STIMATE: variants seen among roughly 807,000 people sequenced by gnomAD.
STIMATE encodes the protein STIM activating enhancer.
A neutral mutation model predicts 36.7 loss-of-function variants in STIMATE; 15 were observed. The ratio of observed to expected loss-of-function variants is 0.41; its 90% confidence interval spans 0.27 to 0.63. The LOEUF (loss-of-function observed/expected upper bound fraction) is 0.63, where lower values mean the gene tolerates loss of function less well. Ranked by LOEUF, STIMATE falls within the 20% of genes least tolerant of loss-of-function variation. The probability of loss-of-function intolerance (pLI) is 0.32; values close to 1 mark genes in which losing one functional copy is unlikely to be tolerated. For missense variants in STIMATE, 305 were observed against 397.3 expected (o/e 0.77, Z 1.98); for synonymous variants, 163 against 162.3 (o/e 1.00, Z -0.03).
rs1302643123 is a variant in STIMATE, at chr3:52,842,835, T to C, written c.744A>G (p.Ala248=). The C allele has an allele frequency of 3.1e-6, 5 of 1,614,234 alleles. No homozygotes were observed. Among genetic ancestry groups the C allele is most frequent in the Non-Finnish European group, 2.5e-6 (3 of 1,180,040 alleles). The change falls in exon 7 of 8, where the codon GCA becomes GCG. Residue 248 remains alanine, a synonymous_variant. Coordinates refer to ENST00000355083, the MANE Select transcript of STIMATE (RefSeq NM_198563.5). The part of the protein sequence containing the change: ...NGSKVRYRRA[A]SHEESESEIL... ...CCTCAGACTCAGACTCCTCGTGGGA[T>C]GCGGCCCTCCGGTAGCGGACCTTGC...
chr3:52,878,354 G>A (rs1396981322), intron 1 of STIMATE, among the ~76,000 whole-genome samples: 2 of 151,898 alleles, frequency 1.3e-5, no homozygotes, highest in African/African-American at 4.8e-5. Context: ...GAAGTCTGAT[G>A]GTCCTGGCTG....
intron 4 of STIMATE, chr3:52,846,359 A>G (rs1459427354): frequency 6.6e-6 from 1 of 152,274 alleles, no homozygotes; most frequent in Non-Finnish European, 1.5e-5. Context: ...TATCGAGAAC[A>G]GTTCTCAAAA....
At position 52,897,540 on chromosome 3, in the gene STIMATE, C is replaced by T; in HGVS notation, c.-90G>A. ...GCGCCGCCAAACCCGCAGCCGGGATCCCAAGCCTGAGCCGGTACCTCCGCC... is the reference window on the plus strand; with the variant it reads ...GCGCCGCCAAACCCGCAGCCGGGATTCCAAGCCTGAGCCGGTACCTCCGCC... On this transcript the variant is annotated 5_prime_UTR_variant, in exon 1 of 8. Coordinates refer to ENST00000355083, the MANE Select transcript of STIMATE (RefSeq NM_198563.5). 3.4e-6 allele frequency: 4 copies of T among 1,176,798 alleles called. No homozygotes were observed. The highest frequency in any genetic ancestry group is 4.2e-6 in the Non-Finnish European group (4 of 953,184). 72.9% of individuals were successfully genotyped at this position (1,176,798 alleles called of 1,614,324 possible).
chr3:52,862,813 G>A (rs1701239558), intron 1 of STIMATE, among the ~76,000 whole-genome samples: 1 of 152,164 alleles, frequency 6.6e-6, no homozygotes, highest in African/African-American at 2.4e-5. Flanking sequence ...AGATCATTCT[G>A]GACTAATCTG....
Position 52,859,502 on chromosome 3 carries a change from CAAAAAAAA to C in STIMATE, c.161-4066_161-4059del, listed in dbSNP as rs34298807. 5.1e-4 allele frequency among the ~76,000 whole-genome samples: 8 copies of C among 15,644 alleles called. No homozygotes were observed. In the East Asian group the frequency reaches 0.014, roughly 27 times the overall value. The allele number at this position is 15,644 out of a possible 152,430, so 10.3% of individuals were successfully genotyped here. A position where few individuals can be genotyped will look rare whatever the true frequency, so the allele number is the denominator to read the frequency against. On this transcript the variant is annotated intron_variant, in intron 1 of 7. Coordinates refer to ENST00000355083, the MANE Select transcript of STIMATE (RefSeq NM_198563.5). ...AGCAACAAAGCAAGACCCATTTCTCCAAAAAAAAAAAAAAAAAAAAAAAAAAAAATTTT... is the reference window on the plus strand; with the variant it reads ...AGCAACAAAGCAAGACCCATTTCTCCAAAAAAAAAAAAAAAAAAAAATTTT...
intron 4 of STIMATE, 65 bp from the exon 5 acceptor site, chr3:52,845,006 C>T (rs903579950): frequency 2.6e-6 from 4 of 1,523,976 alleles, no homozygotes; most frequent in Middle Eastern, 2.0e-4. Context: ...GATGTCCCCA[C>T]CCCACTCCCC....
At chr3:52,860,448 G>A (rs1553629053) in intron 1 of STIMATE, among the ~76,000 whole-genome samples, 2 of 152,068 alleles carry the variant, frequency 1.3e-5, no homozygotes, top group Non-Finnish European at 2.9e-5. Context: ...CAGAGGGCTG[G>A]AGGACAGCAG....
At chr3:52,843,497 A>G (rs1283433769) in intron 6 of STIMATE, among the ~76,000 whole-genome samples, 1 of 152,112 alleles carries the variant, frequency 6.6e-6, no homozygotes, top group Non-Finnish European at 1.5e-5. Context: ...AGGACAAGAC[A>G]AAGCTCCCAG....
intron 1 of STIMATE, among the ~76,000 whole-genome samples, chr3:52,864,587 C>T (rs1024271411): frequency 6.6e-6 from 1 of 152,176 alleles, no homozygotes; most frequent in Non-Finnish European, 1.5e-5. Context: ...TTTTATTTCT[C>T]AGAAAATGGG....
At chr3:52,897,050 T>C (rs1701876156) in intron 1 of STIMATE, among the ~76,000 whole-genome samples, 1 of 152,114 alleles carries the variant, frequency 6.6e-6, no homozygotes, top group Non-Finnish European at 1.5e-5. Flanking sequence ...AGTTTTAGAC[T>C]GGCGTCTCAA....
chr3:52,896,302 T>C (rs1459758192), intron 1 of STIMATE, among the ~76,000 whole-genome samples: 2 of 152,208 alleles, frequency 1.3e-5, no homozygotes, highest in Non-Finnish European at 2.9e-5. Flanking sequence ...TGGGGAAGTT[T>C]TGAGAACAAG....
At chr3:52,845,732 G>A (rs896488421) in intron 4 of STIMATE, among the ~76,000 whole-genome samples, 4 of 152,188 alleles carry the variant, frequency 2.6e-5, no homozygotes, top group Non-Finnish European at 5.9e-5. Context: ...TGAACGGAGA[G>A]AAGACCAGCC....
chr3:52,897,434 C>A lies in STIMATE; in HGVS notation c.17G>T (p.Gly6Val). MQGPA[G>V]NASRGLPGGP... ...GCCTGGCAGTCCCCGGCTCGCGTTC[C>A]CGGCGGGGCCCTGCATGACAGGCCT... The change falls in exon 1 of 8, where the codon GGG becomes GTG. Residue 6 changes from glycine to valine, a missense_variant. Coordinates refer to ENST00000355083, the MANE Select transcript of STIMATE (RefSeq NM_198563.5). 7.0e-7 allele frequency: 1 copy of A among 1,430,446 alleles called. No homozygotes were observed. The highest frequency in any genetic ancestry group is 3.0e-5 in the East Asian group (1 of 33,460). 88.6% of individuals were successfully genotyped at this position (1,430,446 alleles called of 1,614,324 possible).
intron 1 of STIMATE, among the ~76,000 whole-genome samples, chr3:52,885,498 C>T (rs192517881): frequency 1.4e-4 from 21 of 152,310 alleles, no homozygotes; most frequent in East Asian, 5.8e-4. Flanking sequence ...TGTTCAACAA[C>T]GTCTCTCTGC....
intron 1 of STIMATE, among the ~76,000 whole-genome samples, chr3:52,871,340 G>C (rs556215848): frequency 1.3e-5 from 2 of 152,062 alleles, no homozygotes; most frequent in Non-Finnish European, 2.9e-5. Context: ...TCGGTGCAGC[G>C]GGGGAGCAGA....
At chr3:52,875,859 G>A (rs1366490298) in intron 1 of STIMATE, among the ~76,000 whole-genome samples, 2 of 152,180 alleles carry the variant, frequency 1.3e-5, no homozygotes, top group Admixed American at 6.5e-5. Context: ...CCACTCAGCC[G>A]GCCCCCTCCC....
intron 1 of STIMATE, among the ~76,000 whole-genome samples, chr3:52,888,910 C>A (rs1390608008): frequency 6.6e-6 from 1 of 152,112 alleles, no homozygotes; most frequent in Non-Finnish European, 1.5e-5. Context: ...CCAAGAAAAA[C>A]ACTGGTTGGG....
intron 1 of STIMATE, among the ~76,000 whole-genome samples, chr3:52,890,443 G>A (rs1180359441): frequency 6.6e-6 from 1 of 152,278 alleles, no homozygotes; most frequent in Admixed American, 6.5e-5. Flanking sequence ...CCAGGGGGCA[G>A]TTGGCAATGT....
At chr3:52,884,291 G>C (rs1274852178) in intron 1 of STIMATE, among the ~76,000 whole-genome samples, 1 of 145,062 alleles carries the variant, frequency 6.9e-6, no homozygotes, top group East Asian at 2.0e-4. Flanking sequence ...TGTCGCCCAT[G>C]CTGGAGGGCA....
Sources: gnomAD v4.1 joint callset for allele counts (sites outside exome capture counted in the v4.1 genomes callset) on GRCh38, gnomAD v4.1.1 for gene constraint, MANE v1.5 for transcripts, NCBI Gene and HGNC (gene_info 2026-07-23, HGNC 2026-07-21) for gene names.